Variants in RAB43 observed in about 807,000 individuals in gnomAD.
RAB43 encodes RAB43, member RAS oncogene family.
Under a neutral mutation model 18.8 loss-of-function variants are expected in RAB43, and 6 were observed. That is an observed-to-expected ratio of 0.32 (90% CI 0.17 to 0.63). RAB43 has a LOEUF of 0.63. Among genes scored for constraint, RAB43 ranks in the 30% least tolerant of loss-of-function variants. The pLI, the probability that RAB43 is intolerant of heterozygous loss-of-function variation, is 0.79. For synonymous variants in RAB43, 103 were observed against 124.1 expected (o/e 0.83, Z 1.13); for missense variants, 195 against 289.1 (o/e 0.67, Z 2.36).
chr3:129,099,114 C>T (rs1264558590), intron 1 of RAB43, among the ~76,000 whole-genome samples: 2 of 149,686 alleles, frequency 1.3e-5, no homozygotes, highest in Non-Finnish European at 3.0e-5. Flanking sequence ...TTTTTTGAGA[C>T]GGAGTCTCAC....
At chr3:129,109,690 C>T (rs1363326074) in intron 1 of RAB43, among the ~76,000 whole-genome samples, 2 of 150,830 alleles carry the variant, frequency 1.3e-5, no homozygotes, top group Non-Finnish European at 2.9e-5. Flanking sequence ...TGCAGTGAGC[C>T]GAGATCGCAC....
intron 1 of RAB43, among the ~76,000 whole-genome samples, chr3:129,118,350 G>A (rs1192981835): frequency 6.6e-6 from 1 of 152,200 alleles, no homozygotes; most frequent in Non-Finnish European, 1.5e-5. Flanking sequence ...GATTAAATCT[G>A]TGATTCTCAA....
chr3:129,107,700 G>A lies in RAB43; in HGVS notation c.205-12531C>T, dbSNP rs758488548. Among the ~76,000 whole-genome samples the A allele has an allele frequency of 1.7e-4, 26 of 152,040 alleles. No homozygotes were observed. The highest frequency in any genetic ancestry group is 2.9e-4 in the Non-Finnish European group (20 of 67,982). On this transcript the variant is annotated intron_variant, in intron 1 of 2. Coordinates refer to ENST00000315150, the MANE Select transcript of RAB43 (RefSeq NM_198490.3). This position sits in a 1 kb window ranked among gnomAD's most constrained non-coding sequence, Gnocchi z 4.2. ...CCTCACAGCCTCCACAAGAATTCCC[G>A]TAAACCCCACACCTCTTTTCCCCAA...
At chr3:129,097,027 C>CTCG (rs1356763478) in intron 1 of RAB43, among the ~76,000 whole-genome samples, 13 of 152,008 alleles carry the variant, frequency 8.6e-5, no homozygotes, top group Non-Finnish European at 1.3e-4. Context: ...GCAGGAGAAT[C>CTCG]GCTTGAACCT....
intron 1 of RAB43, among the ~76,000 whole-genome samples, chr3:129,120,954 C>A (rs1410337914): frequency 1.3e-5 from 2 of 152,140 alleles, no homozygotes; most frequent in Non-Finnish European, 2.9e-5. Context: ...CCGCTAGTAC[C>A]TGGAACAGGG....
chr3:129,104,147 C>T (rs1021815907), intron 1 of RAB43, among the ~76,000 whole-genome samples: 1 of 152,224 alleles, frequency 6.6e-6, no homozygotes, highest in Non-Finnish European at 1.5e-5. Context: ...GAACCTTTTA[C>T]ACTGTCAGCT....
intron 1 of RAB43, among the ~76,000 whole-genome samples, chr3:129,103,503 G>A (rs1437892714): frequency 6.6e-6 from 1 of 151,642 alleles, no homozygotes; most frequent in African/African-American, 2.4e-5. Flanking sequence ...TGTCCTTGGT[G>A]TTCCCTGCCT....
intron 1 of RAB43, among the ~76,000 whole-genome samples, chr3:129,096,710 T>A (rs2107987203): frequency 6.6e-6 from 1 of 152,008 alleles, no homozygotes. Context: ...AGAGCTCAAT[T>A]AAAAATATGA....
At chr3:129,104,541 T>A (rs1204056524) in intron 1 of RAB43, among the ~76,000 whole-genome samples, 1 of 152,052 alleles carries the variant, frequency 6.6e-6, no homozygotes, top group Admixed American at 6.6e-5. Context: ...AAAGCAGCAC[T>A]CCCCCTCCTC....
chr3:129,095,432 G>A lies in RAB43; in HGVS notation c.205-263C>T, dbSNP rs916976807. ...CACTCTGAGCTGACCCAGGTCCTCCGCGTGCCCCTCCGTGTGCCCCTCTCC... is the reference window on the plus strand; with the variant it reads ...CACTCTGAGCTGACCCAGGTCCTCCACGTGCCCCTCCGTGTGCCCCTCTCC... On this transcript the variant is annotated intron_variant, in intron 1 of 2. Transcript: ENST00000315150. This position sits in a 1 kb window ranked among gnomAD's most constrained non-coding sequence, Gnocchi z 4.2. Among the ~76,000 whole-genome samples, 2 of 152,158 alleles carry A rather than the reference G, an allele frequency of 1.3e-5. No homozygotes were observed. The highest frequency in any genetic ancestry group is 2.9e-5 in the Non-Finnish European group (2 of 68,016).
chr3:129,105,637 G>A (rs370683475), intron 1 of RAB43, among the ~76,000 whole-genome samples: 30 of 151,542 alleles, frequency 2.0e-4, no homozygotes, highest in East Asian at 1.6e-3. Context: ...AAAATTAGCC[G>A]TGCATGGTGG....
At chr3:129,100,063 A>G (rs900365509) in intron 1 of RAB43, among the ~76,000 whole-genome samples, 1 of 152,166 alleles carries the variant, frequency 6.6e-6, no homozygotes, top group Admixed American at 6.6e-5. Flanking sequence ...AAATACACAA[A>G]AGCAGATCAC....
chr3:129,115,736 G>A (rs1239788862), intron 1 of RAB43, among the ~76,000 whole-genome samples: 1 of 152,076 alleles, frequency 6.6e-6, no homozygotes, highest in East Asian at 1.9e-4. Context: ...CAGGAGAATC[G>A]CTTGAACCTG....
intron 2 of RAB43, 143 bp from the exon 3 acceptor site, chr3:129,091,489 T>A: frequency 8.6e-7 from 1 of 1,163,866 alleles, no homozygotes; most frequent in South Asian, 1.7e-5. Flanking sequence ...TGTCTTTCTT[T>A]AAAAAACCTT....
At chr3:129,099,449 C>T (rs759419008) in intron 1 of RAB43, among the ~76,000 whole-genome samples, 4 of 151,236 alleles carry the variant, frequency 2.6e-5, no homozygotes, top group Admixed American at 6.6e-5. Flanking sequence ...TGCAATGGCA[C>T]GATCTTCGCT....
intron 1 of RAB43, among the ~76,000 whole-genome samples, chr3:129,104,106 G>A (rs1934602616): frequency 6.6e-6 from 1 of 152,236 alleles, no homozygotes; most frequent in South Asian, 2.1e-4. Context: ...ACATAATCTG[G>A]AGGAGAGTAC....
At chr3:129,094,853 AT>A (rs1933932866) in intron 2 of RAB43, 132 bp downstream of exon 2, 1 of 1,268,182 alleles carries the variant, frequency 7.9e-7, no homozygotes, top group Non-Finnish European at 1.1e-6. Flanking sequence ...CAGGATCAGG[AT>A]TTGCAAAACC....
intron 2 of RAB43, 117 bp downstream of exon 2, chr3:129,094,869 C>T (rs1186781792): frequency 7.1e-7 from 1 of 1,400,554 alleles, no homozygotes; most frequent in Non-Finnish European, 9.5e-7. Flanking sequence ...AAAACCATGG[C>T]TCAAACTCTG....
intron 1 of RAB43, among the ~76,000 whole-genome samples, chr3:129,118,448 T>C: frequency 6.6e-6 from 1 of 152,172 alleles, no homozygotes; most frequent in East Asian, 1.9e-4. Context: ...CTCTGACTGG[T>C]TGGGAAGCTA....
Sources: allele counts gnomAD v4.1 joint callset (sites outside exome capture counted in the v4.1 genomes callset), GRCh38; gene constraint gnomAD v4.1.1; non-coding constraint Gnocchi (gnomAD v3.1); transcripts MANE v1.5; gene names NCBI Gene and HGNC (gene_info 2026-07-23, HGNC 2026-07-21).